Variants in RABGAP1 observed in about 807,000 individuals in gnomAD.
The protein encoded by RABGAP1 is rab GTPase-activating protein 1.
In RABGAP1, 23 loss-of-function variants were observed where a neutral mutation model predicts 137.6. The observed-to-expected ratio is 0.17, with a 90% confidence interval of 0.12 to 0.24. The LOEUF (loss-of-function observed/expected upper bound fraction) is 0.24, where lower values mean the gene tolerates loss of function less well. Among genes scored for constraint, RABGAP1 ranks in the 10% least tolerant of loss-of-function variants. The probability of loss-of-function intolerance (pLI) is 1.00; values close to 1 mark genes in which losing one functional copy is unlikely to be tolerated. For synonymous variants in RABGAP1, 451 were observed against 450.7 expected, an observed-to-expected ratio of 1.00 and a Z score of -0.01; for missense variants, 906 against 1,275.8, an observed-to-expected ratio of 0.71 and a Z score of 4.42.
chr9:123,082,638 T>C (rs920694110), intron 19 of RABGAP1, among the ~76,000 whole-genome samples: 1 of 152,230 alleles, frequency 6.6e-6, no homozygotes, highest in Non-Finnish European at 1.5e-5. Flanking sequence ...ACCTGAGGAC[T>C]TGGCCATTTT....
intron 21 of RABGAP1, among the ~76,000 whole-genome samples, chr9:123,097,274 CAA>C (rs1255195605): frequency 3.3e-5 from 5 of 152,136 alleles, no homozygotes; most frequent in South Asian, 4.2e-4. Flanking sequence ...CAGGTAATAA[CAA>C]GAGAAAAATG....
chr9:122,951,294 T>C (rs141903475), intron 1 of RABGAP1, among the ~76,000 whole-genome samples: 311 of 152,328 alleles, frequency 2.0e-3, no homozygotes, highest in African/African-American at 7.3e-3. Context: ...GGTCACTTAC[T>C]GGGAGGTGGT....
rs147172278 is a variant in RABGAP1 at position 123,020,363 on chromosome 9, T to C, written c.1698T>C (p.Gly566=). ...AGTTGTCATCCTTAGTAAGAAACGG[T>C]GTCCCTGAAGCTCTTCGAGGAGAAG... ...PKQLSSLVRN[G]VPEALRGEVW... is the part of the protein sequence containing the mutation. The change falls in exon 13 of 26, where the codon GGT becomes GGC. Residue 566 remains glycine (G), a synonymous_variant. Transcript: ENST00000373647. 450 of 1,602,050 alleles carry C rather than the reference T, an allele frequency of 2.8e-4. 1 individual carries two copies. In the African/African-American group the frequency reaches 5.6e-3, roughly 20 times the overall value.
At chr9:123,057,688 G>A (rs1440704783) in intron 13 of RABGAP1, among the ~76,000 whole-genome samples, 1 of 152,166 alleles carries the variant, frequency 6.6e-6, no homozygotes. Flanking sequence ...GCACTTTGGG[G>A]GGCCAAGGCA....
chr9:123,014,640 A>G (rs1588271855), intron 11 of RABGAP1, among the ~76,000 whole-genome samples: 2 of 148,068 alleles, frequency 1.4e-5, no homozygotes, highest in East Asian at 2.0e-4. Context: ...TGAGTAATTT[A>G]TAAAGAAAAG....
At chr9:122,996,424 T>TAA in intron 7 of RABGAP1, 115 bp from the exon 8 acceptor site, 1 of 1,135,646 alleles carries the variant, frequency 8.8e-7, no homozygotes, top group Non-Finnish European at 1.2e-6. Flanking sequence ...AATTTATTGA[T>TAA]AACTCTAATG....
At chr9:123,013,067 A>G (rs971416650) in intron 11 of RABGAP1, among the ~76,000 whole-genome samples, 2 of 152,204 alleles carry the variant, frequency 1.3e-5, no homozygotes, top group African/African-American at 4.8e-5. Flanking sequence ...TGGGTTCTTA[A>G]CACAGATTTT....
chr9:123,005,454 T>G (rs2030157536), intron 10 of RABGAP1, among the ~76,000 whole-genome samples: 1 of 152,246 alleles, frequency 6.6e-6, no homozygotes, highest in Admixed American at 6.5e-5. Context: ...TTCATTTTTG[T>G]GAAGATAAAA....
At chr9:122,941,667 G>A (rs532288421) in intron 1 of RABGAP1, among the ~76,000 whole-genome samples, 16 of 152,342 alleles carry the variant, frequency 1.1e-4, no homozygotes, top group African/African-American at 3.4e-4. Context: ...TGGCATCCCA[G>A]TCTTCTCATC....
chr9:122,948,237 G>A (rs1331125466), intron 1 of RABGAP1, among the ~76,000 whole-genome samples: 1 of 152,124 alleles, frequency 6.6e-6, no homozygotes, highest in Non-Finnish European at 1.5e-5. Flanking sequence ...TCTAAACAGA[G>A]AGTAAACTCA....
chr9:123,015,758 G>A, intron 12 of RABGAP1, 122 bp downstream of exon 12: 1 of 597,718 alleles, frequency 1.7e-6, no homozygotes, highest in Non-Finnish European at 2.9e-6. Context: ...TTTGCATTCT[G>A]TGATCTATTT....
At chr9:122,956,924 T>C (rs1247630160) in intron 1 of RABGAP1, 87 bp from the exon 2 acceptor site, 1 of 673,618 alleles carries the variant, frequency 1.5e-6, no homozygotes. Context: ...TAAAAAAAAA[T>C]TCTGAATATG....
At chr9:123,047,193 T>G (rs2033243344) in intron 13 of RABGAP1, among the ~76,000 whole-genome samples, 1 of 152,244 alleles carries the variant, frequency 6.6e-6, no homozygotes, top group South Asian at 2.1e-4. Flanking sequence ...GTTAAGATTT[T>G]CTTTCAGTAC....
At chr9:123,034,833 C>G in intron 13 of RABGAP1, 1 of 1,614,034 alleles carries the variant, frequency 6.2e-7, no homozygotes, top group Non-Finnish European at 8.5e-7. Flanking sequence ...CTTTATCACT[C>G]CTCCATCACC....
intron 10 of RABGAP1, among the ~76,000 whole-genome samples, chr9:123,002,118 A>G (rs1588247770): frequency 1.3e-5 from 2 of 152,138 alleles, no homozygotes; most frequent in African/African-American, 4.8e-5. Context: ...CCTGACCAAC[A>G]TGGAGAAACC....
At chr9:123,020,288 G>T in intron 12 of RABGAP1, 21 bp from the exon 13 acceptor site, 1 of 1,465,952 alleles carries the variant, frequency 6.8e-7, no homozygotes, top group Non-Finnish European at 9.1e-7. Context: ...TATGATTTAT[G>T]GTTTATGGCC....
At chr9:123,031,778 C>G (rs560536144) in intron 13 of RABGAP1, among the ~76,000 whole-genome samples, 1 of 152,262 alleles carries the variant, frequency 6.6e-6, no homozygotes, top group South Asian at 2.1e-4. Flanking sequence ...TTTAGACATG[C>G]TGTGGTTGAA....
intron 10 of RABGAP1, among the ~76,000 whole-genome samples, chr9:123,005,012 C>T (rs10985856): frequency 0.067 from 9,818 of 146,786 alleles, 390 homozygotes; most frequent in African/African-American, 0.084. Context: ...GCCGAGATCG[C>T]GCCATTGCAC....
At chr9:123,013,524 G>A (rs1233168139) in intron 11 of RABGAP1, among the ~76,000 whole-genome samples, 1 of 152,092 alleles carries the variant, frequency 6.6e-6, no homozygotes, top group Non-Finnish European at 1.5e-5. Context: ...TAGAGATGGG[G>A]TTTCACCAGG....
Sources: allele counts gnomAD v4.1 joint callset (sites outside exome capture counted in the v4.1 genomes callset), GRCh38; gene constraint gnomAD v4.1.1; transcripts MANE v1.5; gene names NCBI Gene and HGNC (gene_info 2026-07-23, HGNC 2026-07-21).